MAP1LC3B: variants seen among roughly 807,000 people sequenced by gnomAD.
MAP1LC3B encodes the protein microtubule associated protein 1 light chain 3 beta, also known as microtubule-associated protein 1 light chain 3 beta.
Under a neutral mutation model 16.7 loss-of-function variants are expected in MAP1LC3B, and 12 were observed. That is an observed-to-expected ratio of 0.72 (90% CI 0.46 to 1.16). The LOEUF is 1.16. Among genes scored for constraint, MAP1LC3B ranks in the 50% most tolerant of loss-of-function variants. The pLI, the probability that MAP1LC3B is intolerant of heterozygous loss-of-function variation, is 0.00. For missense variants in MAP1LC3B, 155 were observed against 159.5 expected, an observed-to-expected ratio of 0.97 and a Z score of 0.15; for synonymous variants, 63 against 56.5, an observed-to-expected ratio of 1.11 and a Z score of -0.51.
rs1908028700 is a variant in MAP1LC3B, at chr16:87,402,447, T to C, written c.203+166T>C. ...ATTAAAACAATTTCAACTTAAACTA[T>C]AAAATGTTTCTTTTTTTGAGGTTTT... is the stretch of plus-strand genomic sequence containing the variant. On this transcript the variant is annotated intron_variant, in intron 3 of 3. Coordinates refer to ENST00000268607, the MANE Select transcript of MAP1LC3B (RefSeq NM_022818.5). 10 of 692,682 alleles carry C rather than the reference T, an allele frequency of 1.4e-5. No individual in the cohort carries two copies. The South Asian group carries it at 2.1e-4, about 14-fold the overall frequency. 42.9% of individuals were successfully genotyped at this position (692,682 alleles called of 1,614,324 possible). A position where few individuals can be genotyped will look rare whatever the true frequency, so the allele number is the denominator to read the frequency against.
chr16:87,395,002 C>T (rs1389453959), intron 1 of MAP1LC3B, among the ~76,000 whole-genome samples: 1 of 132,554 alleles, frequency 7.5e-6, no homozygotes, highest in African/African-American at 2.8e-5. Flanking sequence ...ACCTTGGTTT[C>T]CCAAAGTCCT....
intron 2 of MAP1LC3B, among the ~76,000 whole-genome samples, chr16:87,401,002 G>A (rs553312040): frequency 6.6e-6 from 1 of 151,942 alleles, no homozygotes; most frequent in Admixed American, 6.6e-5. Flanking sequence ...GCGTGGTGGC[G>A]GGTGCCTGTA....
At position 87,404,738 on chromosome 16, in the gene MAP1LC3B, G is replaced by C. The variant is rs1200811278; in HGVS notation, c.*1641G>C. 1.3e-5 allele frequency: 2 copies of C among 152,160 alleles called. No individual in the cohort carries two copies. Among genetic ancestry groups the C allele is most frequent in the African/African-American group, 2.4e-5 (1 of 41,444 alleles). The allele number at this position is 152,160 out of a possible 1,614,324, so 9.4% of individuals were successfully genotyped here. On this transcript the variant is annotated 3_prime_UTR_variant, in exon 4 of 4. Transcript: ENST00000268607. Reference sequence around the variant, plus strand: ...ATAGGATCTTTAAAACATTTTTAATGAACTAAGTTGAATAAAGGCACAATT... The same window carrying C: ...ATAGGATCTTTAAAACATTTTTAATCAACTAAGTTGAATAAAGGCACAATT...
chr16:87,402,231 G>T lies in MAP1LC3B; in HGVS notation c.153G>T (p.Lys51Asn). ...EKQLPVLDKT[K>N]FLVPDHVNMS... ...AGCTTCCTGTTCTGGATAAAACAAAGTTCCTTGTACCTGACCATGTCAACA... is the reference window on the plus strand; with the variant it reads ...AGCTTCCTGTTCTGGATAAAACAAATTTCCTTGTACCTGACCATGTCAACA... The change falls in exon 3 of 4, where the codon AAG becomes AAT. Residue 51 changes from lysine (K) to asparagine (N), a missense_variant. Physicochemically the swap from Lys to Asn is moderately conservative, Grantham distance 94. Coordinates refer to ENST00000268607, the MANE Select transcript of MAP1LC3B (RefSeq NM_022818.5). 1 of 1,614,146 alleles carries T rather than the reference G, an allele frequency of 6.2e-7. No homozygotes were observed. The highest frequency in any genetic ancestry group is 8.5e-7 in the Non-Finnish European group (1 of 1,180,020).
Position 87,392,371 on chromosome 16 carries a change from C to A in MAP1LC3B, c.-57C>A, listed in dbSNP as rs960569342. 3 of 1,380,452 alleles carry A rather than the reference C, an allele frequency of 2.2e-6. No homozygotes were observed. In the African/African-American group the frequency reaches 4.6e-5, roughly 21 times the overall value. 85.5% of individuals were successfully genotyped at this position (1,380,452 alleles called of 1,614,324 possible). On this transcript the variant is annotated 5_prime_UTR_variant, in exon 1 of 4. Transcript: ENST00000268607. ...TCGCCGCCGCAGCAGCCGCCGCCCC[C>A]GGGAGCCGCCGGGACCCTCGCGTCG...
intron 3 of MAP1LC3B, 77 bp from the exon 4 acceptor site, chr16:87,402,846 G>A (rs1021671182): frequency 1.3e-6 from 2 of 1,542,886 alleles, no homozygotes; most frequent in Non-Finnish European, 1.8e-6. Flanking sequence ...ACCGATCAGA[G>A]TGGGTGATAT....
At chr16:87,395,294 G>A (rs767990934) in intron 1 of MAP1LC3B, among the ~76,000 whole-genome samples, 22 of 152,284 alleles carry the variant, frequency 1.4e-4, no homozygotes, top group Admixed American at 4.6e-4. Flanking sequence ...ATGTGGAGCC[G>A]TGTTCATTTC....
chr16:87,402,598 A>G, intron 3 of MAP1LC3B: 1 of 534,282 alleles, frequency 1.9e-6, no homozygotes, highest in East Asian at 3.2e-5. Context: ...GAGAATGTAG[A>G]CTCTGTGAGT....
rs548465490 is a variant in MAP1LC3B at position 87,403,175 on chromosome 16, C to T, written c.*78C>T. The T allele has an allele frequency of 8.0e-6, 12 of 1,500,134 alleles. No homozygotes were observed. Among genetic ancestry groups the T allele is most frequent in the African/African-American group, 2.8e-5 (2 of 71,386 alleles). The allele number at this position is 1,500,134 out of a possible 1,614,324, so 92.9% of individuals were successfully genotyped here. A position where few individuals can be genotyped will look rare whatever the true frequency, so the allele number is the denominator to read the frequency against. ...AAAAAGGGATGTTACCAACTGAGAT[C>T]GATCAGTTCATCCAATCACAGATCA... On this transcript the variant is annotated 3_prime_UTR_variant, in exon 4 of 4. Coordinates refer to ENST00000268607, the MANE Select transcript of MAP1LC3B (RefSeq NM_022818.5).
At chr16:87,399,052 C>T (rs934927859) in intron 2 of MAP1LC3B, 182 bp downstream of exon 2, 12 of 594,908 alleles carry the variant, frequency 2.0e-5, no homozygotes, top group Middle Eastern at 3.7e-4. Context: ...CTTTCCCAGG[C>T]TGGAGTGCAG....
At chr16:87,397,639 T>A (rs901738543) in intron 1 of MAP1LC3B, among the ~76,000 whole-genome samples, 1 of 152,002 alleles carries the variant, frequency 6.6e-6, no homozygotes, top group Non-Finnish European at 1.5e-5. Flanking sequence ...GATACTAAAA[T>A]TTTTTTTAAT....
At chr16:87,401,864 G>A (rs1908004533) in intron 2 of MAP1LC3B, among the ~76,000 whole-genome samples, 3 of 149,368 alleles carry the variant, frequency 2.0e-5, no homozygotes, top group African/African-American at 5.0e-5. Flanking sequence ...ATGGAGTCTC[G>A]CTCTGTCACC....
rs202065663 is a variant in MAP1LC3B, at chr16:87,402,165, T to G, written c.97-10T>G. On this transcript the variant is annotated splice_polypyrimidine_tract_variant and intron_variant, in intron 2 of 3. Transcript: ENST00000268607. ...GACTATTTTAAAATCACTTCTGGCT[T>G]CTTTTCCAGGTGATAATAGAACGAT... 8 of 1,613,936 alleles carry G rather than the reference T, an allele frequency of 5.0e-6. No individual in the cohort carries two copies. Among genetic ancestry groups the G allele is most frequent in the East Asian group, 2.2e-5 (1 of 44,880 alleles).
In MAP1LC3B at chr16:87,402,265, C is replaced by T. The variant is rs1304300602; in HGVS notation, c.187C>T (p.Leu63Phe). The T allele has an allele frequency of 1.9e-6, 3 of 1,613,846 alleles. No homozygotes were observed. Among genetic ancestry groups the T allele is most frequent in the Non-Finnish European group, 2.5e-6 (3 of 1,179,900 alleles). The stretch of plus-strand genomic sequence containing the variant: ...ACCTGACCATGTCAACATGAGTGAG[C>T]TCATCAAGATAATTAGGTATTCAGT... Reference protein sequence around the residue: ...LVPDHVNMSELIKIIRRRLQL... With the variant: ...LVPDHVNMSEFIKIIRRRLQL... Residue 63 changes from leucine (L) to phenylalanine (F), a missense_variant, in exon 3 of 4, where the codon CTC (leucine) becomes TTC (phenylalanine). By Grantham distance (22) the Leu-to-Phe change is conservative. Transcript: ENST00000268607.
chr16:87,398,923 C>A, intron 2 of MAP1LC3B, 53 bp downstream of exon 2: 1 of 1,479,584 alleles, frequency 6.8e-7, no homozygotes, highest in Non-Finnish European at 9.5e-7. Flanking sequence ...GAGGAGAGCA[C>A]CGCATAAGTG....
chr16:87,402,054 C>T (rs1249251707), intron 2 of MAP1LC3B, 121 bp from the exon 3 acceptor site: 2 of 807,072 alleles, frequency 2.5e-6, no homozygotes, highest in Non-Finnish European at 2.0e-6. Flanking sequence ...CCAGGGTGGT[C>T]TCAGTCTCCT....
At position 87,403,123 on chromosome 16, in the gene MAP1LC3B, G is replaced by C. The variant is rs1268277575; in HGVS notation, c.*26G>C. On this transcript the variant is annotated 3_prime_UTR_variant, in exon 4 of 4. Transcript: ENST00000268607. The stretch of plus-strand genomic sequence containing the variant: ...AACCAGAAAAAATGCAGCTCTTCTA[G>C]AATTGTTTAAACCCTTACCAAGGAA... The C allele has an allele frequency of 2.5e-6, 4 of 1,576,864 alleles. No individual in the cohort carries two copies. The highest frequency in any genetic ancestry group is 1.4e-5 in the African/African-American group (1 of 74,042).
rs1365608804 is a variant in MAP1LC3B at position 87,402,192 on chromosome 16, C to T, written c.114C>T (p.Tyr38=). ...TTTTCCAGGTGATAATAGAACGATACAAGGGTGAGAAGCAGCTTCCTGTTC... is the reference window on the plus strand; with the variant it reads ...TTTTCCAGGTGATAATAGAACGATATAAGGGTGAGAAGCAGCTTCCTGTTC... The part of the protein sequence containing the change: ...PTKIPVIIER[Y]KGEKQLPVLD... Residue 38 remains tyrosine (Y), a synonymous_variant, in exon 3 of 4, where the codon TAC becomes TAT. Coordinates refer to ENST00000268607, the MANE Select transcript of MAP1LC3B (RefSeq NM_022818.5). 4 of 1,614,044 alleles carry T rather than the reference C, an allele frequency of 2.5e-6. No homozygotes were observed. The South Asian group carries it at 3.3e-5, about 13-fold the overall frequency.
Position 87,402,177 on chromosome 16 carries a change from G to A in MAP1LC3B, c.99G>A (p.Val33=), listed in dbSNP as rs1170741762. The A allele has an allele frequency of 2.5e-6, 4 of 1,614,014 alleles. No individual in the cohort carries two copies. Among genetic ancestry groups the A allele is most frequent in the East Asian group, 4.5e-5 (2 of 44,884 alleles). ...IREQHPTKIP[V]IIERYKGEKQ... ...ATCACTTCTGGCTTCTTTTCCAGGTGATAATAGAACGATACAAGGGTGAGA... is the reference window on the plus strand; with the variant it reads ...ATCACTTCTGGCTTCTTTTCCAGGTAATAATAGAACGATACAAGGGTGAGA... The change falls in exon 3 of 4, where the codon GTG becomes GTA. Residue 33 remains valine (V), a splice_region_variant and synonymous_variant. Coordinates refer to ENST00000268607, the MANE Select transcript of MAP1LC3B (RefSeq NM_022818.5).
Sources: allele counts gnomAD v4.1 joint callset (sites outside exome capture counted in the v4.1 genomes callset), GRCh38; gene constraint gnomAD v4.1.1; transcripts MANE v1.5; gene names NCBI Gene and HGNC (gene_info 2026-07-23, HGNC 2026-07-21).